CHODL: variants seen among roughly 807,000 people sequenced by gnomAD.
The protein encoded by CHODL is chondrolectin.
A neutral mutation model predicts 34.5 loss-of-function variants in CHODL; 29 were observed. The observed-to-expected ratio is 0.84, with a 90% CI of 0.63 to 1.15. The LOEUF (loss-of-function observed/expected upper bound fraction) is 1.15. Among genes scored for constraint, CHODL ranks in the 50% most tolerant of loss-of-function variants. The pLI is 0.00. For missense variants in CHODL, 332 were observed against 332.5 expected (o/e 1.00, Z 0.01); for synonymous variants, 125 against 116.1 (o/e 1.08, Z -0.49).
intron 2 of CHODL, among the ~76,000 whole-genome samples, chr21:18,185,450 C>G (rs915921529): frequency 1.3e-5 from 2 of 152,152 alleles, no homozygotes; most frequent in African/African-American, 2.4e-5. Context: ...GGGTCCAAGT[C>G]TTTTCTACCT....
intron 2 of CHODL, among the ~76,000 whole-genome samples, chr21:18,193,716 T>TAA (rs1310638518): frequency 7.4e-6 from 1 of 135,016 alleles, no homozygotes; most frequent in African/African-American, 2.8e-5. Context: ...AAAAATAAAA[T>TAA]AAATAAATAA....
At chr21:18,183,498 C>T in intron 2 of CHODL, among the ~76,000 whole-genome samples, 1 of 152,104 alleles carries the variant, frequency 6.6e-6, no homozygotes, top group East Asian at 1.9e-4. Flanking sequence ...CTCAAAGCTG[C>T]CTTTGATGTT....
chr21:18,139,074 T>A (rs1258844626), intron 2 of CHODL, among the ~76,000 whole-genome samples: 1 of 152,056 alleles, frequency 6.6e-6, no homozygotes, highest in Non-Finnish European at 1.5e-5. Flanking sequence ...TGCGCATGAG[T>A]ATGTGTAAAA....
At chr21:17,968,533 T>G (rs2063590574) in intron 1 of CHODL, among the ~76,000 whole-genome samples, 1 of 152,244 alleles carries the variant, frequency 6.6e-6, no homozygotes, top group South Asian at 2.1e-4. Flanking sequence ...TTTAATTAGA[T>G]TCTGCCCTAA....
At chr21:18,103,349 A>G (rs1262229217) in intron 2 of CHODL, among the ~76,000 whole-genome samples, 1 of 152,218 alleles carries the variant, frequency 6.6e-6, no homozygotes, top group South Asian at 2.1e-4. Context: ...AGAAGATTAT[A>G]GGCCTTGATA....
chr21:18,193,521 C>G (rs781467852), intron 2 of CHODL, among the ~76,000 whole-genome samples: 1 of 151,602 alleles, frequency 6.6e-6, no homozygotes, highest in Non-Finnish European at 1.5e-5. Flanking sequence ...TGGTGAAACC[C>G]AGTCTCTACT....
chr21:18,251,515 TAA>T (rs1491122466), intron 1 of CHODL, among the ~76,000 whole-genome samples: 3 of 83,814 alleles, frequency 3.6e-5, no homozygotes, highest in South Asian at 3.6e-4. Flanking sequence ...TTTTAATATA[TAA>T]AATATTTATT....
chr21:18,241,075 C>T (rs1217286715), upstream of CHODL, among the ~76,000 whole-genome samples: 1 of 152,068 alleles, frequency 6.6e-6, no homozygotes, highest in Admixed American at 6.6e-5. Context: ...ACAGCATAGA[C>T]ATGTTTTGAA....
At chr21:17,940,250 TATCTCAAC>T (rs2063352107) in intron 1 of CHODL, among the ~76,000 whole-genome samples, 1 of 152,232 alleles carries the variant, frequency 6.6e-6, no homozygotes, top group South Asian at 2.1e-4. Context: ...CAGAAATATT[TATCTCAAC>T]ATATTGTCTA....
At chr21:18,140,297 C>T (rs1455591132) in intron 2 of CHODL, among the ~76,000 whole-genome samples, 1 of 152,106 alleles carries the variant, frequency 6.6e-6, no homozygotes, top group Admixed American at 6.6e-5. Flanking sequence ...ACTTGATAAT[C>T]CCTAAAATTT....
At chr21:18,217,756 C>A (rs2073844446) in intron 2 of CHODL, among the ~76,000 whole-genome samples, 1 of 152,110 alleles carries the variant, frequency 6.6e-6, no homozygotes, top group Non-Finnish European at 1.5e-5. Context: ...CACCTATGAG[C>A]CTGCAAGTTA....
intron 2 of CHODL, among the ~76,000 whole-genome samples, chr21:18,133,262 A>G (rs2072679627): frequency 6.6e-6 from 1 of 152,048 alleles, no homozygotes; most frequent in Admixed American, 6.5e-5. Flanking sequence ...TTCGATGTTC[A>G]TTATTTCTTG....
At chr21:18,241,046 G>T (rs1272557709), upstream of CHODL, among the ~76,000 whole-genome samples, 2 of 152,140 alleles carry the variant, frequency 1.3e-5, no homozygotes, top group East Asian at 1.9e-4. Context: ...GCTCCTGAAT[G>T]AGGTAGGTCA....
At chr21:18,245,350 A>G in intron 1 of CHODL, 48 bp downstream of exon 1, 2 of 1,430,646 alleles carry the variant, frequency 1.4e-6, no homozygotes, top group Non-Finnish European at 1.8e-6. Flanking sequence ...AGAGGGGACC[A>G]CGGGGCGCGG....
At chr21:18,184,530 T>C (rs1033093642) in intron 2 of CHODL, among the ~76,000 whole-genome samples, 2 of 152,188 alleles carry the variant, frequency 1.3e-5, no homozygotes, top group Admixed American at 6.5e-5. Flanking sequence ...GTGTTTGATA[T>C]AAAATTTCTA....
At chr21:18,198,418 CAG>C (rs1371736267) in intron 2 of CHODL, among the ~76,000 whole-genome samples, 1 of 152,002 alleles carries the variant, frequency 6.6e-6, no homozygotes, top group East Asian at 1.9e-4. Context: ...TATTGTAAAA[CAG>C]TGATTTTTTA....
At chr21:18,207,729 G>A (rs1199716520) in intron 2 of CHODL, among the ~76,000 whole-genome samples, 1 of 141,294 alleles carries the variant, frequency 7.1e-6, no homozygotes, top group Non-Finnish European at 1.5e-5. Flanking sequence ...TATTACCATG[G>A]GATATAGTAT....
At chr21:18,239,476 C>T (rs1035539130) in intron 2 of CHODL, among the ~76,000 whole-genome samples, 1 of 151,694 alleles carries the variant, frequency 6.6e-6, no homozygotes, top group Non-Finnish European at 1.5e-5. Flanking sequence ...CTTTATATGT[C>T]AGCTCACATA....
At chr21:17,969,705 C>A (rs118089645) in intron 1 of CHODL, among the ~76,000 whole-genome samples, 3,368 of 152,170 alleles carry the variant, frequency 0.022, 76 homozygotes, top group South Asian at 0.11. Context: ...CCTGGAGATA[C>A]AGTGTGGTAT....
Sources: gnomAD v4.1 joint callset for allele counts (sites outside exome capture counted in the v4.1 genomes callset) on GRCh38, gnomAD v4.1.1 for gene constraint, MANE v1.5 for transcripts, NCBI Gene and HGNC (gene_info 2026-07-23, HGNC 2026-07-21) for gene names.